The following PINX1 variants were observed in gnomAD, a reference collection of about 807,000 sequenced individuals.
The protein encoded by PINX1 is PIN2 (TERF1) interacting telomerase inhibitor 1, also known as PIN2/TERF1-interacting telomerase inhibitor 1.
In PINX1, 34 loss-of-function variants were observed where a neutral mutation model predicts 25.4. The observed-to-expected ratio is 1.34, with a 90% CI of 1.02 to 1.78. PINX1 has a LOEUF of 1.78. Ranked by LOEUF, PINX1 falls within the 40% of genes most tolerant of loss-of-function variation. The pLI is 0.00. For synonymous variants in PINX1, 197 were observed against 147.7 expected, an observed-to-expected ratio of 1.33 and a Z score of -2.42; for missense variants, 592 against 404.9, an observed-to-expected ratio of 1.46 and a Z score of -3.97.
At chr8:10,835,112 T>C (rs2129091051) in intron 1 of PINX1, among the ~76,000 whole-genome samples, 1 of 152,336 alleles carries the variant, frequency 6.6e-6, no homozygotes, top group Non-Finnish European at 1.5e-5. Context: ...GACACCAGCA[T>C]CCTCATCACC....
At position 10,826,222 on chromosome 8, in the gene PINX1, C is replaced by A. The variant is rs1423031572; in HGVS notation, c.324G>T (p.Lys108Asn). 8.8e-6 allele frequency: 14 copies of A among 1,584,570 alleles called. No individual in the cohort carries two copies. The highest frequency in any genetic ancestry group is 2.7e-5 in the African/African-American group (2 of 74,134). The change falls in exon 5 of 7, where the codon AAG (lysine) becomes AAT (asparagine). Residue 108 changes from lysine (K) to asparagine (N), a missense_variant. Transcript: ENST00000314787. ...ACTTTTCCTCAAGGCTAAAAGATTT[C>A]TTTTCCTTCTTGTCCGAGGAATCTT... ...ETTDSSDKKE[K>N]KSFSLEEKSK...
At chr8:10,818,704 T>C (rs545620696) in intron 6 of PINX1, among the ~76,000 whole-genome samples, 2 of 151,748 alleles carry the variant, frequency 1.3e-5, no homozygotes, top group African/African-American at 4.8e-5. Context: ...TCTCAAGGTA[T>C]GGGAGGGACG....
chr8:10,766,893 G>A (rs1196880446), intron 6 of PINX1, among the ~76,000 whole-genome samples: 1 of 152,202 alleles, frequency 6.6e-6, no homozygotes, highest in African/African-American at 2.4e-5. Flanking sequence ...GGCTGAGGCT[G>A]GCAGTAAGGT....
intron 5 of PINX1, among the ~76,000 whole-genome samples, chr8:10,825,866 G>A (rs1453966952): frequency 6.6e-6 from 1 of 152,196 alleles, no homozygotes; most frequent in Non-Finnish European, 1.5e-5. Context: ...ATAAAGTCCC[G>A]TTTTCCTCTA....
intron 6 of PINX1, among the ~76,000 whole-genome samples, chr8:10,803,763 G>A (rs1292596169): frequency 6.6e-6 from 1 of 152,088 alleles, no homozygotes; most frequent in Non-Finnish European, 1.5e-5. Flanking sequence ...ATAAATAGTA[G>A]GTTCTTTATT....
chr8:10,834,479 TAGAA>T (rs1798332428), intron 2 of PINX1, 183 bp downstream of exon 2: 1 of 798,998 alleles, frequency 1.3e-6, no homozygotes, highest in African/African-American at 1.8e-5. Context: ...GCTTAAATGA[TAGAA>T]AGTTGACACT....
At chr8:10,804,348 G>C (rs1487489655) in intron 6 of PINX1, among the ~76,000 whole-genome samples, 1 of 152,188 alleles carries the variant, frequency 6.6e-6, no homozygotes, top group Non-Finnish European at 1.5e-5. Flanking sequence ...AACGTGCTCA[G>C]GGGCCTGAAA....
At chr8:10,796,322 G>C (rs969343308) in intron 6 of PINX1, among the ~76,000 whole-genome samples, 1 of 152,100 alleles carries the variant, frequency 6.6e-6, no homozygotes, top group Admixed American at 6.6e-5. Context: ...GGGGGAAATG[G>C]ACAATAAAAG....
In PINX1 at chr8:10,765,011, A is replaced by G. The variant is rs1800982646; in HGVS notation, c.*390T>C. ...GCTGAGTCTTTCAGAAGAAAGCACCATTCATTGTTATTGAAGGGAACCGAG... is the reference window on the plus strand; with the variant it reads ...GCTGAGTCTTTCAGAAGAAAGCACCGTTCATTGTTATTGAAGGGAACCGAG... On this transcript the variant is annotated 3_prime_UTR_variant, in exon 7 of 7. Transcript: ENST00000314787. The G allele has an allele frequency of 5.7e-6, 1 of 174,566 alleles. No individual in the cohort carries two copies. The highest frequency in any genetic ancestry group is 6.2e-5 in the Admixed American group (1 of 16,228). The allele number at this position is 174,566 out of a possible 1,614,324, so 10.8% of individuals were successfully genotyped here.
chr8:10,782,475 C>T (rs1260945841), intron 6 of PINX1, among the ~76,000 whole-genome samples: 2 of 152,028 alleles, frequency 1.3e-5, no homozygotes, highest in Non-Finnish European at 2.9e-5. Flanking sequence ...GTGGCTCACG[C>T]CTGTAATCCT....
chr8:10,812,652 C>T (rs571384939), intron 6 of PINX1, among the ~76,000 whole-genome samples: 16 of 152,346 alleles, frequency 1.1e-4, no homozygotes, highest in African/African-American at 3.8e-4. Context: ...ACATGCTTTC[C>T]AGACGCCACT....
In PINX1 at chr8:10,791,950, C is replaced by G. The variant is rs144453808; in HGVS notation, c.472-26034G>C. Among the ~76,000 whole-genome samples the G allele has an allele frequency of 5.3e-3, 800 of 152,292 alleles. 5 individuals carry two copies. Among genetic ancestry groups the G allele is most frequent in the African/African-American group, 0.018 (752 of 41,554 alleles). ...CCAGGACAACATGCCCCATCTCAGTCTCTCCACAGAGGTGCCAGTTACACC... is the reference window on the plus strand; with the variant it reads ...CCAGGACAACATGCCCCATCTCAGTGTCTCCACAGAGGTGCCAGTTACACC... On this transcript the variant is annotated intron_variant, in intron 6 of 6. Transcript: ENST00000314787.
At chr8:10,828,894 C>A (rs564854457) in intron 4 of PINX1, among the ~76,000 whole-genome samples, 2 of 152,166 alleles carry the variant, frequency 1.3e-5, no homozygotes, top group African/African-American at 4.8e-5. Context: ...CACACCCCTA[C>A]GCTAACCCAG....
At chr8:10,774,533 G>A (rs1024005159) in intron 6 of PINX1, among the ~76,000 whole-genome samples, 3 of 152,062 alleles carry the variant, frequency 2.0e-5, no homozygotes, top group Non-Finnish European at 2.9e-5. Context: ...CACCCGCCTC[G>A]GCCACCCAAA....
chr8:10,817,345 C>T (rs887298548), intron 6 of PINX1, among the ~76,000 whole-genome samples: 10 of 152,072 alleles, frequency 6.6e-5, no homozygotes, highest in East Asian at 1.9e-4. Context: ...GGATGGGAGC[C>T]GAAAGAGGTT....
intron 6 of PINX1, among the ~76,000 whole-genome samples, chr8:10,815,254 A>G (rs1797663776): frequency 1.3e-5 from 2 of 152,198 alleles, no homozygotes; most frequent in Admixed American, 6.5e-5. Flanking sequence ...CAATTTCTTT[A>G]TTAGACGCAA....
chr8:10,834,727 C>T lies in PINX1; in HGVS notation c.68G>A (p.Ser23Asn). The stretch of plus-strand genomic sequence containing the variant: ...CTGGCCAAACTTGGAATCGTCATTA[C>T]TCCAGGCAGTGTTCTGAGGATCCAC... ...WAVDPQNTAW[S>N]NDDSKFGQRM... Residue 23 changes from serine (S) to asparagine (N), a missense_variant, in exon 2 of 7, where the codon AGT (serine) becomes AAT (asparagine). Ser to Asn is a conservative substitution (Grantham distance 46, BLOSUM62 1). Coordinates refer to ENST00000314787, the MANE Select transcript of PINX1 (RefSeq NM_017884.6). 1 of 1,613,934 alleles carries T rather than the reference C, an allele frequency of 6.2e-7. No individual in the cohort carries two copies. The highest frequency in any genetic ancestry group is 8.5e-7 in the Non-Finnish European group (1 of 1,179,874).
intron 1 of PINX1, among the ~76,000 whole-genome samples, chr8:10,836,280 T>C (rs1366167097): frequency 6.6e-6 from 1 of 152,172 alleles, no homozygotes; most frequent in African/African-American, 2.4e-5. Context: ...TTGTAGTGTT[T>C]TGCAGAAAAA....
intron 6 of PINX1, among the ~76,000 whole-genome samples, chr8:10,783,559 C>T (rs1237009083): frequency 1.3e-5 from 2 of 152,212 alleles, no homozygotes; most frequent in Non-Finnish European, 1.5e-5. Flanking sequence ...TCCAGCGCTG[C>T]ATCACATATG....
Sources: gnomAD v4.1 joint callset for allele counts (sites outside exome capture counted in the v4.1 genomes callset) on GRCh38, gnomAD v4.1.1 for gene constraint, MANE v1.5 for transcripts, NCBI Gene and HGNC (gene_info 2026-07-23, HGNC 2026-07-21) for gene names.